TOX2: variants seen among roughly 807,000 people sequenced by gnomAD.
TOX2 encodes the protein TOX high mobility group box family member 2, also known as granulosa cell HMG box 1.
Under a neutral mutation model 47.4 loss-of-function variants are expected in TOX2, and 15 were observed. That is an observed-to-expected ratio of 0.32 (90% CI 0.21 to 0.49). TOX2 has a LOEUF of 0.49. Among genes scored for constraint, TOX2 ranks in the 20% least tolerant of loss-of-function variants. The pLI is 0.99. For synonymous variants in TOX2, 290 were observed against 296.6 expected (o/e 0.98, Z 0.23); for missense variants, 622 against 673.1 (o/e 0.92, Z 0.84).
At chr20:44,060,377 C>T (rs1274486644) in intron 5 of TOX2, among the ~76,000 whole-genome samples, 2 of 152,120 alleles carry the variant, frequency 1.3e-5, no homozygotes, top group Non-Finnish European at 2.9e-5. Context: ...AAACAATGAA[C>T]TTAAACTTAC....
At chr20:43,989,598 G>A (rs1383885898) in intron 2 of TOX2, among the ~76,000 whole-genome samples, 1 of 152,078 alleles carries the variant, frequency 6.6e-6, no homozygotes, top group Non-Finnish European at 1.5e-5. Context: ...TGGCCAACAT[G>A]GAGAAACTCC....
intron 1 of TOX2, among the ~76,000 whole-genome samples, chr20:43,940,691 C>G (rs1600665144): frequency 6.6e-6 from 1 of 152,026 alleles, no homozygotes; most frequent in African/African-American, 2.4e-5. Flanking sequence ...AGGCAGCTAT[C>G]AGGGCACCCT....
chr20:43,989,440 C>T (rs139655122), intron 2 of TOX2, among the ~76,000 whole-genome samples: 113 of 152,236 alleles, frequency 7.4e-4, no homozygotes, highest in Non-Finnish European at 4.4e-4. Context: ...ATCACACAGT[C>T]GTTAAGAGTG....
chr20:43,945,592 C>T, intron 1 of TOX2: 1 of 314,232 alleles, frequency 3.2e-6, no homozygotes, highest in East Asian at 7.4e-5. Context: ...ACACCCCTCC[C>T]AAGGCAGCGT....
At chr20:43,938,804 G>T (rs2069363371) in intron 1 of TOX2, among the ~76,000 whole-genome samples, 1 of 152,222 alleles carries the variant, frequency 6.6e-6, no homozygotes, top group Admixed American at 6.5e-5. Context: ...CCTGCATTGA[G>T]GGGGTGACTG....
intron 3 of TOX2, among the ~76,000 whole-genome samples, chr20:44,023,411 C>T (rs1045661731): frequency 1.7e-5 from 2 of 120,252 alleles, no homozygotes; most frequent in African/African-American, 3.3e-5. Context: ...GTCTGGGTGA[C>T]AGAGCTAGAC....
intron 3 of TOX2, among the ~76,000 whole-genome samples, chr20:44,017,669 G>C (rs2070903548): frequency 6.6e-6 from 1 of 152,200 alleles, no homozygotes; most frequent in Non-Finnish European, 1.5e-5. Flanking sequence ...TTATTTAGCA[G>C]TTACTATGGA....
intron 2 of TOX2, among the ~76,000 whole-genome samples, chr20:43,999,005 C>T (rs2070530556): frequency 6.6e-6 from 1 of 151,988 alleles, no homozygotes; most frequent in Non-Finnish European, 1.5e-5. Context: ...GGTGATCTAC[C>T]CACCTTGGCC....
At chr20:44,025,301 TGATCC>T (rs2071042684) in intron 3 of TOX2, among the ~76,000 whole-genome samples, 1 of 151,810 alleles carries the variant, frequency 6.6e-6, no homozygotes, top group Non-Finnish European at 1.5e-5. Flanking sequence ...ACCACACAGT[TGATCC>T]CATCATAGGG....
At chr20:44,025,288 T>A (rs929412831) in intron 3 of TOX2, among the ~76,000 whole-genome samples, 3 of 152,024 alleles carry the variant, frequency 2.0e-5, no homozygotes, top group Non-Finnish European at 4.4e-5. Context: ...GAGCATAAAT[T>A]GCACCACACA....
intron 1 of TOX2, among the ~76,000 whole-genome samples, chr20:43,951,727 T>TTTTTTTTTTTTTTTTTTTTTTTTTTC (rs2069577231): frequency 7.0e-6 from 1 of 143,252 alleles, no homozygotes; most frequent in African/African-American, 2.6e-5. Context: ...TTTTTTTTTT[T>TTTTTTTTTTTTTTTTTTTTTTTTTTC]TAGAGAAAGG....
chr20:44,026,264 CA>C (rs2071067472), intron 3 of TOX2, among the ~76,000 whole-genome samples: 1 of 48,864 alleles, frequency 2.0e-5, no homozygotes, highest in African/African-American at 1.0e-4. Flanking sequence ...CACACACACA[CA>C]ATGGAATACT....
At chr20:43,996,616 T>C (rs564220208) in intron 2 of TOX2, among the ~76,000 whole-genome samples, 1 of 152,322 alleles carries the variant, frequency 6.6e-6, no homozygotes, top group Admixed American at 6.5e-5. Flanking sequence ...ATTTTCTACT[T>C]GTTCTGCATA....
chr20:43,988,661 AG>A (rs1470338333), intron 2 of TOX2, among the ~76,000 whole-genome samples: 1 of 152,234 alleles, frequency 6.6e-6, no homozygotes, highest in Non-Finnish European at 1.5e-5. Context: ...GACCTGGCAC[AG>A]GGTAGGAGTG....
chr20:43,974,322 C>T (rs1468427061), intron 2 of TOX2, among the ~76,000 whole-genome samples: 2 of 151,808 alleles, frequency 1.3e-5, no homozygotes. Context: ...GTCCTCACTG[C>T]AGGCGGGGGC....
At chr20:43,993,640 T>C (rs1295430255) in intron 2 of TOX2, among the ~76,000 whole-genome samples, 1 of 152,126 alleles carries the variant, frequency 6.6e-6, no homozygotes, top group African/African-American at 2.4e-5. Context: ...CTGTTTTGTG[T>C]AAATAAAGCT....
intron 3 of TOX2, among the ~76,000 whole-genome samples, chr20:44,016,533 G>A (rs1471501762): frequency 6.6e-6 from 1 of 152,112 alleles, no homozygotes; most frequent in African/African-American, 2.4e-5. Flanking sequence ...GTTATTGGGG[G>A]TGTCCTGTGC....
At chr20:43,985,233 T>G (rs2070243471) in intron 2 of TOX2, among the ~76,000 whole-genome samples, 1 of 152,160 alleles carries the variant, frequency 6.6e-6, no homozygotes, top group South Asian at 2.1e-4. Flanking sequence ...ACCTTCCGGG[T>G]TGACTTACAG....
At chr20:44,015,776 T>C (rs1230799584) in intron 3 of TOX2, among the ~76,000 whole-genome samples, 1 of 152,214 alleles carries the variant, frequency 6.6e-6, no homozygotes, top group Non-Finnish European at 1.5e-5. Flanking sequence ...AGGGCACTTT[T>C]ACTTTTCTTT....
Sources: allele counts gnomAD v4.1 joint callset (sites outside exome capture counted in the v4.1 genomes callset), GRCh38; gene constraint gnomAD v4.1.1; transcripts MANE v1.5; gene names NCBI Gene and HGNC (gene_info 2026-07-23, HGNC 2026-07-21).